Variants in IQCM observed in about 807,000 individuals in gnomAD.
IQCM encodes IQ domain-containing protein M.
IQCM carries 45 observed loss-of-function variants against 57.6 expected under a neutral mutation model. The observed-to-expected ratio is 0.78, with a 90% CI of 0.62 to 1.00. The LOEUF (loss-of-function observed/expected upper bound fraction) is 1.00, where lower values mean the gene tolerates loss of function less well. Among genes scored for constraint, IQCM ranks in the 50% least tolerant of loss-of-function variants. The pLI is 0.00. For synonymous variants in IQCM, 148 were observed against 158.9 expected (o/e 0.93, Z 0.51); for missense variants, 468 against 511.6 (o/e 0.91, Z 0.82).
chr4:149,405,257 A>C (rs1732896869), intron 13 of IQCM, among the ~76,000 whole-genome samples: 1 of 152,146 alleles, frequency 6.6e-6, no homozygotes, highest in African/African-American at 2.4e-5. Flanking sequence ...GAATTAAGTC[A>C]AACAGGAACT....
chr4:149,756,786 T>C (rs1043555641), intron 2 of IQCM, among the ~76,000 whole-genome samples: 15 of 152,130 alleles, frequency 9.9e-5, no homozygotes, highest in Admixed American at 6.6e-4. Flanking sequence ...CGGTTCTGGG[T>C]CCTTAGCTTG....
chr4:149,578,628 A>G (rs1751881994), intron 9 of IQCM, among the ~76,000 whole-genome samples: 1 of 151,824 alleles, frequency 6.6e-6, no homozygotes, highest in African/African-American at 2.4e-5. Flanking sequence ...CCTCTGCTCA[A>G]AAAAGGGTGA....
At chr4:149,500,164 C>A (rs982932802) in intron 12 of IQCM, among the ~76,000 whole-genome samples, 3 of 152,056 alleles carry the variant, frequency 2.0e-5, no homozygotes, top group Admixed American at 6.6e-5. Flanking sequence ...GGTAAAGAAT[C>A]CAATATAACA....
intron 7 of IQCM, among the ~76,000 whole-genome samples, chr4:149,664,375 C>T (rs957833723): frequency 1.3e-5 from 2 of 152,034 alleles, no homozygotes; most frequent in African/African-American, 4.8e-5. Flanking sequence ...TTTCATGTTT[C>T]TTAAGTCCCC....
chr4:149,762,109 G>A (rs1175183219), intron 2 of IQCM, among the ~76,000 whole-genome samples: 1 of 151,754 alleles, frequency 6.6e-6, no homozygotes, highest in Admixed American at 6.6e-5. Flanking sequence ...TAGGTAAGGG[G>A]GTACTTTAAG....
intron 12 of IQCM, among the ~76,000 whole-genome samples, chr4:149,448,702 C>T (rs1345571095): frequency 1.3e-5 from 2 of 151,650 alleles, no homozygotes; most frequent in Non-Finnish European, 2.9e-5. Flanking sequence ...ATATTATAAA[C>T]AATTTTATAC....
intron 12 of IQCM, among the ~76,000 whole-genome samples, chr4:149,519,035 C>A (rs1239068491): frequency 6.6e-6 from 1 of 152,206 alleles, no homozygotes; most frequent in Non-Finnish European, 1.5e-5. Flanking sequence ...AGGAAAGACA[C>A]TAAATCCCAT....
chr4:149,813,339 T>C (rs1774764042), intron 2 of IQCM, among the ~76,000 whole-genome samples: 2 of 151,672 alleles, frequency 1.3e-5, no homozygotes, highest in African/African-American at 4.8e-5. Flanking sequence ...ATCTAATGCA[T>C]CTTTTTTTTA....
In IQCM at chr4:149,546,591, A is replaced by T. The variant is rs566360016; in HGVS notation, c.1228+1864T>A. Among the ~76,000 whole-genome samples, 14 of 152,154 alleles carry T rather than the reference A, an allele frequency of 9.2e-5. No individual in the cohort carries two copies. The South Asian group carries it at 1.7e-3, about 18-fold the overall frequency. ...GCCAGTGATGACAAACATTTTTTCA[A>T]GTGTCTTTTGGCTGCAGAAATGTCT... is the stretch of plus-strand genomic sequence containing the variant. On this transcript the variant is annotated intron_variant, in intron 12 of 13. Coordinates refer to ENST00000636793, the MANE Select transcript of IQCM (RefSeq NM_001363507.2).
At chr4:149,365,971 A>G (rs1300089257) in intron 13 of IQCM, among the ~76,000 whole-genome samples, 2 of 152,146 alleles carry the variant, frequency 1.3e-5, no homozygotes, top group African/African-American at 4.8e-5. Context: ...GGTTAATTAT[A>G]AGGTACAAAT....
chr4:149,380,532 T>G (rs1731004859), intron 13 of IQCM, among the ~76,000 whole-genome samples: 1 of 152,118 alleles, frequency 6.6e-6, no homozygotes, highest in African/African-American at 2.4e-5. Flanking sequence ...ATCTATATGC[T>G]TAGATCAGGG....
chr4:149,675,557 G>A (rs2150188876), intron 7 of IQCM, among the ~76,000 whole-genome samples: 1 of 152,110 alleles, frequency 6.6e-6, no homozygotes, highest in South Asian at 2.1e-4. Context: ...CATAATGGAT[G>A]AATTTCAGGA....
intron 12 of IQCM, among the ~76,000 whole-genome samples, chr4:149,466,818 C>T (rs1738905482): frequency 6.6e-6 from 1 of 152,046 alleles, no homozygotes; most frequent in Non-Finnish European, 1.5e-5. Flanking sequence ...CTGGGAAGTC[C>T]AAGATCAAGG....
At chr4:149,472,007 C>T (rs1055193155) in intron 12 of IQCM, among the ~76,000 whole-genome samples, 37 of 152,266 alleles carry the variant, frequency 2.4e-4, no homozygotes, top group South Asian at 1.0e-3. Context: ...AACCCACAGC[C>T]AATATCATAC....
chr4:149,656,984 A>G (rs1408057580), intron 7 of IQCM, among the ~76,000 whole-genome samples: 1 of 152,102 alleles, frequency 6.6e-6, no homozygotes, highest in Non-Finnish European at 1.5e-5. Context: ...CATTTCTCCA[A>G]ATGCTCTTCA....
At chr4:149,751,843 G>A (rs1035364417) in intron 2 of IQCM, among the ~76,000 whole-genome samples, 3 of 152,116 alleles carry the variant, frequency 2.0e-5, no homozygotes, top group African/African-American at 7.2e-5. Flanking sequence ...GGGAGGGTGG[G>A]AATAGCATAG....
intron 13 of IQCM, 125 bp from the exon 14 acceptor site, chr4:149,352,191 C>G: frequency 2.5e-6 from 1 of 393,448 alleles, no homozygotes; most frequent in Non-Finnish European, 4.5e-6. Context: ...ATGCAAAAGA[C>G]TGGACTTGGG....
In IQCM at chr4:149,548,534, C is replaced by A; in HGVS notation, c.1149G>T (p.Glu383Asp). Residue 383 changes from glutamate (E) to aspartate (D), a missense_variant, in exon 12 of 14, where the codon GAG becomes GAT. By Grantham distance (45) the Glu-to-Asp change is conservative (BLOSUM62 2). Coordinates refer to ENST00000636793, the MANE Select transcript of IQCM (RefSeq NM_001363507.2). Reference protein sequence around the residue: ...REDWPKIERNELPNFFSDCGH... With the variant: ...REDWPKIERNDLPNFFSDCGH... The stretch of plus-strand genomic sequence containing the variant: ...CACAGTCACTGAAGAAATTGGGGAG[C>A]TCATTTCTTTCAATTTTTGGCCAAT... The A allele has an allele frequency of 1.6e-6, 2 of 1,231,248 alleles. No individual in the cohort carries two copies. The highest frequency in any genetic ancestry group is 2.0e-6 in the Non-Finnish European group (2 of 987,202). The allele number at this position is 1,231,248 out of a possible 1,614,324, so 76.3% of individuals were successfully genotyped here. A position where few individuals can be genotyped will look rare whatever the true frequency, so the allele number is the denominator to read the frequency against.
At chr4:149,450,083 A>G (rs1412868843) in intron 12 of IQCM, among the ~76,000 whole-genome samples, 1 of 151,920 alleles carries the variant, frequency 6.6e-6, no homozygotes, top group Non-Finnish European at 1.5e-5. Flanking sequence ...ATTTTTGACA[A>G]AAGTGCCAAG....
Sources: allele counts gnomAD v4.1 joint callset (sites outside exome capture counted in the v4.1 genomes callset), GRCh38; gene constraint gnomAD v4.1.1; transcripts MANE v1.5; gene names NCBI Gene and HGNC (gene_info 2026-07-23, HGNC 2026-07-21).